Variants in GPR158 observed in about 807,000 individuals in gnomAD.
The protein encoded by GPR158 is metabotropic glycine receptor.
GPR158 carries 30 observed loss-of-function variants against 78.2 expected under a neutral mutation model. The ratio of observed to expected loss-of-function variants is 0.38; its 90% confidence interval spans 0.29 to 0.52. The LOEUF (loss-of-function observed/expected upper bound fraction) is 0.52, where lower values mean the gene tolerates loss of function less well. GPR158 is among the 20% of genes least tolerant of loss of function. The pLI, the probability that GPR158 is intolerant of heterozygous loss-of-function variation, is 0.83. For synonymous variants in GPR158, 581 were observed against 591.1 expected (o/e 0.98, Z 0.25); for missense variants, 1,463 against 1,523.5 (o/e 0.96, Z 0.66).
chr10:25,390,226 G>T (rs1834276179), intron 2 of GPR158, among the ~76,000 whole-genome samples: 1 of 152,156 alleles, frequency 6.6e-6, no homozygotes, highest in Non-Finnish European at 1.5e-5. Flanking sequence ...GTAGAGGGGG[G>T]TACTGCTATT....
At chr10:25,264,496 A>G (rs956343433) in intron 2 of GPR158, among the ~76,000 whole-genome samples, 16 of 152,188 alleles carry the variant, frequency 1.1e-4, no homozygotes, top group African/African-American at 3.1e-4. Context: ...CAGTCAAGCC[A>G]TAATATTACT....
intron 2 of GPR158, among the ~76,000 whole-genome samples, chr10:25,309,645 C>A (rs895482236): frequency 1.3e-5 from 2 of 152,068 alleles, no homozygotes; most frequent in African/African-American, 2.4e-5. Context: ...TTGTAGCACC[C>A]ATAATCCCCA....
chr10:25,420,365 C>A (rs1218058713), intron 4 of GPR158, among the ~76,000 whole-genome samples: 1 of 152,090 alleles, frequency 6.6e-6, no homozygotes, highest in African/African-American at 2.4e-5. Flanking sequence ...GTTGCCGAGA[C>A]TGGCCTCGAA....
intron 5 of GPR158, among the ~76,000 whole-genome samples, chr10:25,478,130 A>G (rs1469960560): frequency 2.6e-5 from 4 of 152,188 alleles, no homozygotes; most frequent in Non-Finnish European, 5.9e-5. Context: ...CCTTACTCCA[A>G]TCAGTGATGT....
At chr10:25,230,376 A>C (rs1853431521) in intron 2 of GPR158, among the ~76,000 whole-genome samples, 1 of 152,142 alleles carries the variant, frequency 6.6e-6, no homozygotes, top group Non-Finnish European at 1.5e-5. Flanking sequence ...CTATATCTGG[A>C]GAGGCTTATA....
intron 5 of GPR158, among the ~76,000 whole-genome samples, chr10:25,500,360 A>G (rs1015262429): frequency 2.0e-5 from 3 of 152,344 alleles, no homozygotes; most frequent in African/African-American, 7.2e-5. Flanking sequence ...TGAGGCCTTC[A>G]TTGGATTTTA....
At chr10:25,429,747 C>T (rs557623308) in intron 4 of GPR158, among the ~76,000 whole-genome samples, 3 of 145,162 alleles carry the variant, frequency 2.1e-5, no homozygotes, top group Non-Finnish European at 3.0e-5. Flanking sequence ...TAAACAGAAC[C>T]AAAGACAAAA....
intron 1 of GPR158, among the ~76,000 whole-genome samples, chr10:25,217,329 T>C (rs1274032607): frequency 6.6e-6 from 1 of 152,182 alleles, no homozygotes; most frequent in Non-Finnish European, 1.5e-5. Context: ...TATAGCGAAG[T>C]TACTGGTCAT....
chr10:25,338,551 T>C (rs1564426365), intron 2 of GPR158, among the ~76,000 whole-genome samples: 14 of 145,790 alleles, frequency 9.6e-5, no homozygotes, highest in Admixed American at 4.2e-4. Flanking sequence ...ATACGTAATA[T>C]ATAATACGTA....
At chr10:25,515,875 G>T (rs1300363368) in intron 5 of GPR158, among the ~76,000 whole-genome samples, 1 of 150,914 alleles carries the variant, frequency 6.6e-6, no homozygotes, top group Non-Finnish European at 1.5e-5. Flanking sequence ...AGTCATTTGG[G>T]TATATACCCA....
At chr10:25,289,439 T>TTA (rs1320923754) in intron 2 of GPR158, among the ~76,000 whole-genome samples, 17 of 151,512 alleles carry the variant, frequency 1.1e-4, no homozygotes, top group African/African-American at 4.1e-4. Flanking sequence ...AAATTTTTAT[T>TTA]TTTATTTTTT....
chr10:25,323,096 C>T (rs1006331866), intron 2 of GPR158, among the ~76,000 whole-genome samples: 2 of 152,082 alleles, frequency 1.3e-5, no homozygotes, highest in African/African-American at 2.4e-5. Flanking sequence ...CTGCCTGCCT[C>T]GTCCTCCCAA....
At chr10:25,314,569 C>T (rs1031324997) in intron 2 of GPR158, among the ~76,000 whole-genome samples, 4 of 150,406 alleles carry the variant, frequency 2.7e-5, no homozygotes, top group Non-Finnish European at 5.9e-5. Flanking sequence ...TTAATTAGAT[C>T]AATGTTTTTC....
chr10:25,497,626 AT>A (rs578260155), intron 5 of GPR158, among the ~76,000 whole-genome samples: 1 of 152,008 alleles, frequency 6.6e-6, no homozygotes, highest in Non-Finnish European at 1.5e-5. Flanking sequence ...AGTTTGTTGG[AT>A]TTTTTTTCAT....
chr10:25,432,043 A>G (rs1834917693), intron 4 of GPR158, among the ~76,000 whole-genome samples: 1 of 152,152 alleles, frequency 6.6e-6, no homozygotes, highest in Admixed American at 6.5e-5. Flanking sequence ...GGGTTTTAGA[A>G]CTAAATGTAA....
At chr10:25,456,690 T>C (rs1169713003) in intron 4 of GPR158, among the ~76,000 whole-genome samples, 2 of 152,238 alleles carry the variant, frequency 1.3e-5, no homozygotes, top group African/African-American at 4.8e-5. Flanking sequence ...CATCTGTTTT[T>C]ACTTAGCAGT....
At position 25,598,610 on chromosome 10, in the gene GPR158, C is replaced by G. The variant is rs1837446758; in HGVS notation, c.2984C>G (p.Thr995Ser). 1 of 1,614,078 alleles carries G rather than the reference C, an allele frequency of 6.2e-7. No homozygotes were observed. Among genetic ancestry groups the G allele is most frequent in the Non-Finnish European group, 8.5e-7 (1 of 1,180,014 alleles). ...AATTCTGACCTGAACCCAGGCACCACCCAGATGAAGGACAACTTTGACATT... is the reference window on the plus strand; with the variant it reads ...AATTCTGACCTGAACCCAGGCACCAGCCAGATGAAGGACAACTTTGACATT... ...TANSDLNPGTTQMKDNFDIGE... is the reference protein window; with the variant it reads ...TANSDLNPGTSQMKDNFDIGE... The change falls in exon 11 of 11, where the codon ACC (threonine) becomes AGC (serine). Residue 995 changes from threonine to serine, a missense_variant. Thr to Ser is a moderately conservative substitution (Grantham distance 58). Coordinates refer to ENST00000376351, the MANE Select transcript of GPR158 (RefSeq NM_020752.3).
intron 2 of GPR158, among the ~76,000 whole-genome samples, chr10:25,260,107 C>A (rs776462068): frequency 2.0e-5 from 3 of 151,952 alleles, no homozygotes; most frequent in African/African-American, 4.8e-5. Flanking sequence ...CTATATTTTC[C>A]CTGCTTTTTA....
At chr10:25,513,710 T>C (rs1393756773) in intron 5 of GPR158, among the ~76,000 whole-genome samples, 1 of 152,156 alleles carries the variant, frequency 6.6e-6, no homozygotes, top group Non-Finnish European at 1.5e-5. Flanking sequence ...GGATTTGATA[T>C]GTTGTGTCAC....
Sources: gnomAD v4.1 joint callset for allele counts (sites outside exome capture counted in the v4.1 genomes callset) on GRCh38, gnomAD v4.1.1 for gene constraint, MANE v1.5 for transcripts, NCBI Gene and HGNC (gene_info 2026-07-23, HGNC 2026-07-21) for gene names.